WWOX: variants seen among roughly 807,000 people sequenced by gnomAD.
WWOX encodes WW domain-containing oxidoreductase.
Under a neutral mutation model 46.2 loss-of-function variants are expected in WWOX, and 69 were observed. That is an observed-to-expected ratio of 1.49 (90% CI 1.23 to 1.82). The LOEUF is 1.82. WWOX is among the 40% of genes most tolerant of loss of function. The pLI is 0.00. For synonymous variants in WWOX, 359 were observed against 202.6 expected (o/e 1.77, Z -6.56); for missense variants, 919 against 542.6 (o/e 1.69, Z -6.89).
intron 8 of WWOX, among the ~76,000 whole-genome samples, chr16:78,516,495 A>G (rs529409491): frequency 6.6e-4 from 101 of 152,326 alleles, no homozygotes; most frequent in African/African-American, 2.4e-3. Flanking sequence ...GAAACATTTT[A>G]GAAAATTGAC....
intron 8 of WWOX, among the ~76,000 whole-genome samples, chr16:78,478,863 C>T (rs935759485): frequency 6.6e-6 from 1 of 152,048 alleles, no homozygotes; most frequent in African/African-American, 2.4e-5. Flanking sequence ...CAAGCCCTTT[C>T]TGAATAAGCT....
At chr16:79,140,695 A>G (rs181152282) in intron 8 of WWOX, among the ~76,000 whole-genome samples, 1 of 152,338 alleles carries the variant, frequency 6.6e-6, no homozygotes, top group Non-Finnish European at 1.5e-5. Flanking sequence ...GGCTTCAGAA[A>G]ACATCTCATT....
At chr16:78,692,211 C>G (rs190710851) in intron 8 of WWOX, among the ~76,000 whole-genome samples, 4 of 152,286 alleles carry the variant, frequency 2.6e-5, no homozygotes, top group Admixed American at 6.5e-5. Flanking sequence ...CTGGAACTGT[C>G]TAACTCCTAA....
At chr16:78,557,425 C>T (rs1426750861) in intron 8 of WWOX, among the ~76,000 whole-genome samples, 1 of 152,150 alleles carries the variant, frequency 6.6e-6, no homozygotes, top group Non-Finnish European at 1.5e-5. Flanking sequence ...TTAGCACGTG[C>T]AGGCACCATT....
chr16:78,886,764 A>G (rs911589743), intron 8 of WWOX, among the ~76,000 whole-genome samples: 6 of 151,994 alleles, frequency 3.9e-5, no homozygotes, highest in Non-Finnish European at 8.8e-5. Context: ...TTAAAGCACA[A>G]GGAAAGGCTA....
At chr16:78,108,072 G>A (rs541033274) in intron 1 of WWOX, among the ~76,000 whole-genome samples, 9 of 151,880 alleles carry the variant, frequency 5.9e-5, no homozygotes, top group Middle Eastern at 3.4e-3. Flanking sequence ...GGGACTACAG[G>A]CACGTGCCAC....
At chr16:78,184,098 C>A (rs1370470099) in intron 5 of WWOX, among the ~76,000 whole-genome samples, 2 of 152,108 alleles carry the variant, frequency 1.3e-5, no homozygotes, top group East Asian at 3.9e-4. Flanking sequence ...TCGGTGCTCA[C>A]GGTAATGCTT....
chr16:78,390,596 G>T (rs531832838), intron 6 of WWOX, among the ~76,000 whole-genome samples: 1 of 152,192 alleles, frequency 6.6e-6, no homozygotes, highest in Non-Finnish European at 1.5e-5. Flanking sequence ...AAAAGCGAGA[G>T]ATTTTACTTT....
chr16:79,082,769 A>G (rs1233867878), intron 8 of WWOX, among the ~76,000 whole-genome samples: 1 of 152,142 alleles, frequency 6.6e-6, no homozygotes, highest in East Asian at 1.9e-4. Context: ...CGTGTAGGGA[A>G]GATGGGAGGG....
At chr16:78,915,358 C>G (rs1041418120) in intron 8 of WWOX, among the ~76,000 whole-genome samples, 3 of 152,180 alleles carry the variant, frequency 2.0e-5, no homozygotes, top group Non-Finnish European at 2.9e-5. Context: ...CAAAAGACCC[C>G]TTTCACGGGA....
intron 8 of WWOX, among the ~76,000 whole-genome samples, chr16:78,979,584 C>T (rs1409239064): frequency 5.3e-5 from 8 of 152,104 alleles, no homozygotes; most frequent in African/African-American, 1.9e-4. Context: ...AGAGGTTCCA[C>T]CCAGAGAGGA....
At chr16:78,174,712 G>T (rs1009581752) in intron 5 of WWOX, among the ~76,000 whole-genome samples, 1 of 152,190 alleles carries the variant, frequency 6.6e-6, no homozygotes, top group African/African-American at 2.4e-5. Context: ...AGGTGGCCGG[G>T]TGTGGTGGCT....
chr16:79,074,149 C>G lies in WWOX; in HGVS notation c.1057-137459C>G, dbSNP rs559643579. Among the ~76,000 whole-genome samples, 925 of 152,030 alleles carry G rather than the reference C, an allele frequency of 6.1e-3. 7 individuals carry two copies. The highest frequency in any genetic ancestry group is 7.9e-3 in the Non-Finnish European group (540 of 68,000). On this transcript the variant is annotated intron_variant, in intron 8 of 8. Transcript: ENST00000566780. ...TGTTGACGTTAAAGCAGTTAGAGTT[C>G]GAGCAGGCAACTCCGACCCCAAGTT...
intron 8 of WWOX, among the ~76,000 whole-genome samples, chr16:78,562,105 A>C (rs1022363833): frequency 6.6e-6 from 1 of 152,170 alleles, no homozygotes; most frequent in African/African-American, 2.4e-5. Flanking sequence ...CTTTTCTCAG[A>C]TAGAGTTATC....
intron 8 of WWOX, among the ~76,000 whole-genome samples, chr16:78,436,454 T>C (rs963368826): frequency 1.3e-5 from 2 of 152,204 alleles, no homozygotes; most frequent in Non-Finnish European, 2.9e-5. Context: ...AAATGGACTT[T>C]AGATAAGCAT....
intron 8 of WWOX, among the ~76,000 whole-genome samples, chr16:78,903,205 C>G (rs1394297698): frequency 6.6e-6 from 1 of 152,142 alleles, no homozygotes; most frequent in African/African-American, 2.4e-5. Context: ...GGGGTACACC[C>G]CTTATAAATG....
At chr16:78,163,463 T>TAAAATTGCCA (rs2034864629) in intron 4 of WWOX, among the ~76,000 whole-genome samples, 3 of 152,202 alleles carry the variant, frequency 2.0e-5, no homozygotes, top group Admixed American at 2.0e-4. Context: ...TTCCTTGTTA[T>TAAAATTGCCA]AAAATTGCCA....
At chr16:78,908,033 C>A (rs536619239) in intron 8 of WWOX, among the ~76,000 whole-genome samples, 4 of 152,134 alleles carry the variant, frequency 2.6e-5, no homozygotes, top group South Asian at 2.1e-4. Flanking sequence ...TTGGATGAAG[C>A]CCTGGCATAC....
chr16:78,267,357 A>G (rs989030815), intron 5 of WWOX, among the ~76,000 whole-genome samples: 16 of 152,262 alleles, frequency 1.1e-4, no homozygotes, highest in African/African-American at 3.9e-4. Flanking sequence ...TTCTTGTTTT[A>G]TAATTAAGAA....
Sources: gnomAD v4.1 joint callset for allele counts (sites outside exome capture counted in the v4.1 genomes callset) on GRCh38, gnomAD v4.1.1 for gene constraint, MANE v1.5 for transcripts, NCBI Gene and HGNC (gene_info 2026-07-23, HGNC 2026-07-21) for gene names.